SEC13: variants seen among roughly 807,000 people sequenced by gnomAD.
SEC13 encodes the protein protein SEC13 homolog.
A neutral mutation model predicts 49.2 loss-of-function variants in SEC13; 25 were observed. The ratio of observed to expected loss-of-function variants is 0.51; its 90% CI spans 0.37 to 0.71. The LOEUF (loss-of-function observed/expected upper bound fraction) is 0.71, where lower values mean the gene tolerates loss of function less well. Ranked by LOEUF, SEC13 falls within the 30% of genes least tolerant of loss-of-function variation. The pLI is 0.00. For synonymous variants in SEC13, 148 were observed against 163.9 expected, an observed-to-expected ratio of 0.90 and a Z score of 0.74; for missense variants, 383 against 417.6, an observed-to-expected ratio of 0.92 and a Z score of 0.72.
Position 10,312,605 on chromosome 3 carries a change from T to C in SEC13, c.290A>G (p.His97Arg). The change falls in exon 4 of 9, where the codon CAC becomes CGC. Residue 97 changes from histidine (H) to arginine (R), a missense_variant. By Grantham distance (29) the His-to-Arg change is conservative. Transcript: ENST00000350697. ...REENGTWEKS[H>R]EHAGHDSSVN... ...TGAGGAGTCGTGTCCCGCATGCTCG[T>C]GGCTCTTCTCCCAGGTGCCGTTTTC... is the stretch of plus-strand genomic sequence containing the variant. 1 of 1,614,230 alleles carries C rather than the reference T, an allele frequency of 6.2e-7. No individual in the cohort carries two copies. Among genetic ancestry groups the C allele is most frequent in the East Asian group, 2.2e-5 (1 of 44,888 alleles).
chr3:10,303,936 A>G (rs1700699346), intron 8 of SEC13, 90 bp downstream of exon 8: 1 of 1,428,754 alleles, frequency 7.0e-7, no homozygotes, highest in Non-Finnish European at 9.7e-7. Context: ...CCCAGCCTGC[A>G]GTCAGATGGG....
In SEC13 at chr3:10,305,161, C is replaced by A. The variant is rs748905804; in HGVS notation, c.585-5G>T. On this transcript the variant is annotated splice_polypyrimidine_tract_variant and splice_region_variant and intron_variant, in intron 6 of 8. Coordinates refer to ENST00000350697, the MANE Select transcript of SEC13 (RefSeq NM_183352.3). ...CACTGGCCGTCCTCCTCCTCCCTAA[C>A]AGTGGGGACAGAAAGAGAATCAGCA... The A allele has an allele frequency of 6.2e-7, 1 of 1,606,816 alleles. No homozygotes were observed. The highest frequency in any genetic ancestry group is 1.7e-5 in the Admixed American group (1 of 59,338).
At position 10,321,062 on chromosome 3, in the gene SEC13, G is replaced by A. The variant is rs1005081823; in HGVS notation, c.-10C>T. 3.7e-6 allele frequency: 6 copies of A among 1,612,986 alleles called. No homozygotes were observed. In the African/African-American group the frequency reaches 6.7e-5, roughly 18 times the overall value. On this transcript the variant is annotated 5_prime_UTR_variant, in exon 1 of 9. Transcript: ENST00000350697. This position sits in a 1 kb window ranked among gnomAD's most constrained non-coding sequence, Gnocchi z 4.1. ...TACCAACACTCACCATGATTGCGGC[G>A]GTGGCTGCTCCAGGTCTCGGACGTG...
intron 7 of SEC13, among the ~76,000 whole-genome samples, chr3:10,304,617 G>C (rs1700748298): frequency 6.6e-6 from 1 of 152,186 alleles, no homozygotes; most frequent in South Asian, 2.1e-4. Flanking sequence ...CTCCCTCTAG[G>C]GTGGTGGTGT....
chr3:10,312,485 A>G, intron 4 of SEC13, 94 bp downstream of exon 4: 2 of 1,453,702 alleles, frequency 1.4e-6, no homozygotes, highest in Non-Finnish European at 1.9e-6. Flanking sequence ...GACAAGAGGC[A>G]CCACGAGGGG....
intron 5 of SEC13, among the ~76,000 whole-genome samples, chr3:10,309,740 T>C (rs1701132853): frequency 6.6e-6 from 1 of 152,242 alleles, no homozygotes; most frequent in Non-Finnish European, 1.5e-5. Context: ...ATATTCTTGT[T>C]TCTTATATAA....
intron 8 of SEC13, among the ~76,000 whole-genome samples, chr3:10,302,962 T>TTAGA (rs140558867): frequency 0.031 from 4,656 of 152,254 alleles, 249 homozygotes; most frequent in African/African-American, 0.1. Context: ...ATGATTCCAC[T>TTAGA]TAGATAGGTC....
In SEC13 at chr3:10,321,024, T is replaced by C. The variant is rs1174828409; in HGVS notation, c.3+26A>G. 2 of 1,611,496 alleles carry C rather than the reference T, an allele frequency of 1.2e-6. No individual in the cohort carries two copies. The highest frequency in any genetic ancestry group is 3.3e-5 in the Admixed American group (2 of 59,796). On this transcript the variant is annotated intron_variant, in intron 1 of 8. Transcript: ENST00000350697. The surrounding 1 kb of genome is among the most constrained non-coding windows in gnomAD (Gnocchi z 4.1). ...GCCGCGACCGTGGCCTTCACCCTGC[T>C]AGGCCTCCTCAGTACCAACACTCAC...
chr3:10,304,391 G>A (rs1055155784), intron 7 of SEC13, among the ~76,000 whole-genome samples: 1 of 152,066 alleles, frequency 6.6e-6, no homozygotes, highest in Non-Finnish European at 1.5e-5. Context: ...GGTTTCGGAG[G>A]TGGACTCTGT....
intron 8 of SEC13, 58 bp downstream of exon 8, chr3:10,303,968 T>G (rs778960793): frequency 6.3e-7 from 1 of 1,590,426 alleles, no homozygotes; most frequent in African/African-American, 1.3e-5. Context: ...CCCTCTCTAG[T>G]GGGCGGGGTG....
chr3:10,302,827 C>T (rs909080879), intron 8 of SEC13, among the ~76,000 whole-genome samples: 1 of 152,194 alleles, frequency 6.6e-6, no homozygotes, highest in African/African-American at 2.4e-5. Context: ...AGGGTGTGGG[C>T]TGTCTATACA....
chr3:10,316,519 A>G (rs756709046), intron 2 of SEC13, among the ~76,000 whole-genome samples: 2 of 152,172 alleles, frequency 1.3e-5, no homozygotes, highest in Admixed American at 6.5e-5. Flanking sequence ...CAGTGGAAGG[A>G]GGCAGGACAT....
At position 10,315,355 on chromosome 3, in the gene SEC13, T is replaced by C. The variant is rs1463387855; in HGVS notation, c.130A>G (p.Asn44Asp). The C allele has an allele frequency of 6.2e-7, 1 of 1,613,882 alleles. No homozygotes were observed. The highest frequency in any genetic ancestry group is 8.5e-7 in the Non-Finnish European group (1 of 1,179,946). The change falls in exon 3 of 9, where the codon AAT becomes GAT. Residue 44 changes from asparagine to aspartate, a missense_variant. Physicochemically the swap from Asn to Asp is conservative, Grantham distance 23. Coordinates refer to ENST00000350697, the MANE Select transcript of SEC13 (RefSeq NM_183352.3). ...TCGGCGATAAGGATCTGCCCTCCAT[T>C]GCGCACATCAAAGATTTTGACGGAC... ...DRSVKIFDVR[N>D]GGQILIADLR...
intron 8 of SEC13, among the ~76,000 whole-genome samples, chr3:10,302,540 G>C (rs975047737): frequency 2.0e-5 from 3 of 152,170 alleles, no homozygotes; most frequent in Non-Finnish European, 2.9e-5. Context: ...AAAGTCACTG[G>C]GGGCCTGCTT....
In SEC13 at chr3:10,304,165, C is replaced by A. The variant is rs151313829; in HGVS notation, c.716G>T (p.Arg239Leu). 5 of 1,613,936 alleles carry A rather than the reference C, an allele frequency of 3.1e-6. No homozygotes were observed. The highest frequency in any genetic ancestry group is 4.2e-6 in the Non-Finnish European group (5 of 1,179,926). The change falls in exon 8 of 9, where the codon CGT becomes CTT. Residue 239 changes from arginine (R) to leucine (L), a missense_variant. Arg to Leu is a moderately radical substitution (Grantham distance 102). Coordinates refer to ENST00000350697, the MANE Select transcript of SEC13 (RefSeq NM_183352.3). ...STIASCSQDG[R>L]VFIWTCDDAS... ...ATCATCACAGGTCCAAATGAACACA[C>A]GACCATCCTAGGAAGAAACAGGATA...
chr3:10,312,303 C>G (rs112169266), intron 4 of SEC13, among the ~76,000 whole-genome samples: 1 of 152,144 alleles, frequency 6.6e-6, no homozygotes, highest in Non-Finnish European at 1.5e-5. Flanking sequence ...GTCTATCTAA[C>G]AAAAAAGTGG....
At chr3:10,308,933 ATTTTTTTTTTTT>A (rs56801249) in intron 5 of SEC13, among the ~76,000 whole-genome samples, 35 of 102,340 alleles carry the variant, frequency 3.4e-4, no homozygotes, top group African/African-American at 1.3e-3. Context: ...CCTGGCCTTG[ATTTTTTTTTTTT>A]TTTTTTTTTT....
At chr3:10,318,238 A>G in intron 1 of SEC13, 144 bp from the exon 2 acceptor site, 2 of 667,790 alleles carry the variant, frequency 3.0e-6, no homozygotes, top group South Asian at 1.8e-5. Context: ...CTTTCTGCCA[A>G]GCACTGTGCT....
At chr3:10,302,391 A>AC (rs1385273796) in intron 8 of SEC13, among the ~76,000 whole-genome samples, 2 of 152,248 alleles carry the variant, frequency 1.3e-5, no homozygotes, top group Non-Finnish European at 2.9e-5. Context: ...TTGAAAACAT[A>AC]CTAAGTCCTT....
Sources: gnomAD v4.1 joint callset for allele counts (sites outside exome capture counted in the v4.1 genomes callset) on GRCh38, gnomAD v4.1.1 for gene constraint, Gnocchi (gnomAD v3.1) non-coding constraint, MANE v1.5 for transcripts, NCBI Gene and HGNC (gene_info 2026-07-23, HGNC 2026-07-21) for gene names.